Variants in MMP26 observed in about 807,000 individuals in gnomAD.
The protein encoded by MMP26 is matrix metallopeptidase 26.
MMP26 carries 33 observed loss-of-function variants against 31.0 expected under a neutral mutation model. The ratio of observed to expected loss-of-function variants is 1.06; its 90% confidence interval spans 0.81 to 1.42. MMP26 has a LOEUF of 1.42. Among genes scored for constraint, MMP26 ranks in the 40% most tolerant of loss-of-function variants. MMP26 has a pLI of 0.00. For synonymous variants in MMP26, 122 were observed against 114.9 expected (o/e 1.06, Z -0.40); for missense variants, 347 against 316.1 (o/e 1.10, Z -0.74).
At chr11:4,928,926 C>T (rs570629350) in intron 2 of MMP26, among the ~76,000 whole-genome samples, 1 of 152,200 alleles carries the variant, frequency 6.6e-6, no homozygotes, top group East Asian at 1.9e-4. Context: ...TGTAATGGAA[C>T]ACAAGGATGC....
intron 2 of MMP26, among the ~76,000 whole-genome samples, chr11:4,840,645 C>G (rs1294884812): frequency 2.0e-5 from 3 of 152,196 alleles, no homozygotes; most frequent in African/African-American, 7.2e-5. Flanking sequence ...AAAGTAGATA[C>G]AACTTAGATC....
chr11:4,872,965 C>T (rs1451993718), intron 2 of MMP26, among the ~76,000 whole-genome samples: 1 of 152,100 alleles, frequency 6.6e-6, no homozygotes, highest in Non-Finnish European at 1.5e-5. Flanking sequence ...TCCAGCTATA[C>T]AGTACACTCA....
At chr11:4,751,422 G>T (rs1306430494) in intron 1 of MMP26, among the ~76,000 whole-genome samples, 2 of 152,072 alleles carry the variant, frequency 1.3e-5, no homozygotes, top group African/African-American at 2.4e-5. Context: ...TAATGAGGAA[G>T]ATATTTAAAG....
intron 1 of MMP26, among the ~76,000 whole-genome samples, chr11:4,745,749 G>GCT (rs776129561): frequency 4.1e-4 from 62 of 152,240 alleles, no homozygotes; most frequent in South Asian, 1.7e-3. Flanking sequence ...AGTCCTCTGT[G>GCT]CTCTGTCTAT....
intron 2 of MMP26, among the ~76,000 whole-genome samples, chr11:4,969,252 C>T (rs569245678): frequency 1.3e-5 from 2 of 152,024 alleles, no homozygotes; most frequent in South Asian, 4.1e-4. Context: ...TATTAATGAA[C>T]TCAAGTATAA....
chr11:4,916,040 C>A (rs566225172), intron 2 of MMP26, among the ~76,000 whole-genome samples: 1 of 152,190 alleles, frequency 6.6e-6, no homozygotes, highest in South Asian at 2.1e-4. Flanking sequence ...ACCCAGGGGC[C>A]AGGTGCAGTG....
intron 2 of MMP26, among the ~76,000 whole-genome samples, chr11:4,985,877 A>G (rs1846878198): frequency 6.6e-6 from 1 of 152,202 alleles, no homozygotes; most frequent in African/African-American, 2.4e-5. Context: ...TCCTTTACCA[A>G]CAATCCCCTC....
chr11:4,749,199 A>G (rs1290877129), intron 1 of MMP26, among the ~76,000 whole-genome samples: 2 of 152,034 alleles, frequency 1.3e-5, no homozygotes, highest in South Asian at 4.1e-4. Flanking sequence ...TATAATAGCT[A>G]CAAAGAATAT....
chr11:4,787,217 T>C (rs1187186532), intron 2 of MMP26: 1 of 152,322 alleles, frequency 6.6e-6, no homozygotes. Context: ...CTAAGAACAT[T>C]GATCAGCCTC....
At chr11:4,716,516 A>T (rs1847931384) in intron 1 of MMP26, among the ~76,000 whole-genome samples, 1 of 152,012 alleles carries the variant, frequency 6.6e-6, no homozygotes, top group South Asian at 2.1e-4. Context: ...GCTAAGAAGA[A>T]CGTTGTTCTT....
At chr11:4,911,172 A>G (rs552745821) in intron 2 of MMP26, among the ~76,000 whole-genome samples, 1 of 152,322 alleles carries the variant, frequency 6.6e-6, no homozygotes, top group African/African-American at 2.4e-5. Context: ...ATTCTTGACA[A>G]GAATTATTTA....
Position 4,907,712 on chromosome 11 carries a change from C to T in MMP26, c.-144-80356C>T, listed in dbSNP as rs533562438. On this transcript the variant is annotated intron_variant, in intron 2 of 7. Transcript: ENST00000380390. ...ATTCACTGTCATGGAATCCTCAGTACTTCTAATTATGTCTTTGGACCGCTT... is the reference window on the plus strand; with the variant it reads ...ATTCACTGTCATGGAATCCTCAGTATTTCTAATTATGTCTTTGGACCGCTT... The T allele has an allele frequency of 1.9e-6, 3 of 1,613,796 alleles. No individual in the cohort carries two copies. The highest frequency in any genetic ancestry group is 2.2e-5 in the East Asian group (1 of 44,872).
intron 2 of MMP26, among the ~76,000 whole-genome samples, chr11:4,783,094 A>G (rs1489733003): frequency 6.6e-6 from 1 of 152,226 alleles, no homozygotes; most frequent in Non-Finnish European, 1.5e-5. Context: ...TAGTGGAGCT[A>G]TGAGAAGAGG....
intron 1 of MMP26, chr11:4,723,148 A>G (rs1848039628): frequency 1.3e-6 from 2 of 1,598,964 alleles, no homozygotes; most frequent in Non-Finnish European, 8.6e-7. Flanking sequence ...TGGCATCCTT[A>G]ATGGCCAGCT....
chr11:4,958,188 C>G (rs115576413), intron 2 of MMP26, among the ~76,000 whole-genome samples: 1,725 of 152,242 alleles, frequency 0.011, 34 homozygotes, highest in African/African-American at 0.04. Flanking sequence ...CTCCTATCCC[C>G]CCTTCCTCTT....
chr11:4,731,297 T>C (rs1444891009), intron 1 of MMP26, among the ~76,000 whole-genome samples: 2 of 152,182 alleles, frequency 1.3e-5, no homozygotes, highest in African/African-American at 2.4e-5. Context: ...CTGAATCAGC[T>C]TCCCCACCAC....
intron 1 of MMP26, chr11:4,723,370 T>G (rs1452735397): frequency 2.1e-6 from 2 of 955,618 alleles, no homozygotes; most frequent in Non-Finnish European, 3.4e-6. Context: ...CCGGCTGCGG[T>G]TGGAGATCAC....
chr11:4,969,507 C>T (rs544220217), intron 2 of MMP26, among the ~76,000 whole-genome samples: 8 of 152,078 alleles, frequency 5.3e-5, no homozygotes, highest in Admixed American at 2.6e-4. Flanking sequence ...AAGTAATTTA[C>T]CTGTTAACCC....
chr11:4,914,917 G>A (rs1429362031), intron 2 of MMP26: 1 of 1,614,148 alleles, frequency 6.2e-7, no homozygotes, highest in Non-Finnish European at 8.5e-7. Flanking sequence ...CAGCACAGAT[G>A]TGGGAAACAC....
Sources: allele counts gnomAD v4.1 joint callset (sites outside exome capture counted in the v4.1 genomes callset), GRCh38; gene constraint gnomAD v4.1.1; transcripts MANE v1.5; gene names NCBI Gene and HGNC (gene_info 2026-07-23, HGNC 2026-07-21).